Variants in QSOX2 observed in about 807,000 individuals in gnomAD.
The protein encoded by QSOX2 is sulfhydryl oxidase 2.
QSOX2 carries 46 observed loss-of-function variants against 61.7 expected under a neutral mutation model. The observed-to-expected ratio is 0.75, with a 90% CI of 0.59 to 0.95. The LOEUF is 0.95. Among genes scored for constraint, QSOX2 ranks in the 40% least tolerant of loss-of-function variants. QSOX2 has a pLI of 0.00. For missense variants in QSOX2, 879 were observed against 918.9 expected, an observed-to-expected ratio of 0.96 and a Z score of 0.56; for synonymous variants, 383 against 388.4, an observed-to-expected ratio of 0.99 and a Z score of 0.16.
intron 3 of QSOX2, among the ~76,000 whole-genome samples, chr9:136,224,554 G>C (rs1332255491): frequency 1.3e-5 from 2 of 152,262 alleles, no homozygotes; most frequent in East Asian, 3.9e-4. Context: ...CGGCTGGGTG[G>C]GATCATTTGT....
In QSOX2 at chr9:136,222,573, C is replaced by T. The variant is rs1267021676; in HGVS notation, c.676-632G>A. 6.6e-6 allele frequency among the ~76,000 whole-genome samples: 1 copy of T among 152,200 alleles called. No homozygotes were observed. The highest frequency in any genetic ancestry group is 2.4e-5 in the African/African-American group (1 of 41,450). On this transcript the variant is annotated intron_variant, in intron 5 of 11. Transcript: ENST00000358701. This position sits in a 1 kb window ranked among gnomAD's most constrained non-coding sequence, Gnocchi z 6.9. ...GGCTAAAGGTGTGAACTGGGCGCCC[C>T]GCGTGGCCGTGCCTCTCCTGAGCTG...
intron 1 of QSOX2, among the ~76,000 whole-genome samples, chr9:136,232,931 A>G (rs978283629): frequency 2.0e-5 from 3 of 150,004 alleles, no homozygotes; most frequent in South Asian, 4.2e-4. Context: ...AAAAAAAAAA[A>G]AAAAAAAGAA....
intron 6 of QSOX2, among the ~76,000 whole-genome samples, chr9:136,219,400 A>G (rs1831954755): frequency 6.6e-6 from 1 of 152,254 alleles, no homozygotes; most frequent in South Asian, 2.1e-4. Context: ...AGTTGTAATA[A>G]GTACTATGAC....
chr9:136,219,933 C>T (rs1398706429), intron 6 of QSOX2, among the ~76,000 whole-genome samples: 18 of 152,258 alleles, frequency 1.2e-4, no homozygotes, highest in Admixed American at 7.2e-4. Flanking sequence ...TGGGCCACCT[C>T]GTTGGCAGAG....
At chr9:136,217,188 G>A (rs1297190044) in intron 8 of QSOX2, among the ~76,000 whole-genome samples, 1 of 152,270 alleles carries the variant, frequency 6.6e-6, no homozygotes, top group Non-Finnish European at 1.5e-5. Flanking sequence ...CCGGCAGCCG[G>A]GGCTAACTGC....
chr9:136,217,618 T>A (rs915841295), intron 8 of QSOX2, among the ~76,000 whole-genome samples: 1 of 152,082 alleles, frequency 6.6e-6, no homozygotes, highest in East Asian at 1.9e-4. Flanking sequence ...GCCTCAGGAG[T>A]TGCCCAGAGC....
intron 1 of QSOX2, among the ~76,000 whole-genome samples, chr9:136,236,719 G>A (rs1021789381): frequency 5.9e-5 from 9 of 151,946 alleles, no homozygotes; most frequent in Middle Eastern, 6.8e-3. Flanking sequence ...GCGTCACGTG[G>A]AGCTCGTCCT....
intron 1 of QSOX2, among the ~76,000 whole-genome samples, chr9:136,244,173 G>A (rs1830452826): frequency 6.6e-6 from 1 of 152,162 alleles, no homozygotes; most frequent in Non-Finnish European, 1.5e-5. Flanking sequence ...AGAACTGAAG[G>A]GTTCCCTACG....
intron 10 of QSOX2, among the ~76,000 whole-genome samples, chr9:136,212,389 CT>C (rs1186241418): frequency 6.6e-6 from 1 of 152,264 alleles, no homozygotes; most frequent in Non-Finnish European, 1.5e-5. Flanking sequence ...ACAGCAGGCC[CT>C]GGGGGAGCTT....
Position 136,209,023 on chromosome 9 carries a change from T to G in QSOX2, c.1802A>C (p.His601Pro), listed in dbSNP as rs1288578812. 1 of 1,613,914 alleles carries G rather than the reference T, an allele frequency of 6.2e-7. No homozygotes were observed. Among genetic ancestry groups the G allele is most frequent in the East Asian group, 2.2e-5 (1 of 44,888 alleles). Residue 601 changes from histidine (H) to proline (P), a missense_variant, in exon 12 of 12, where the codon CAT becomes CCT. Coordinates refer to ENST00000358701, the MANE Select transcript of QSOX2 (RefSeq NM_181701.4). This position sits in a 1 kb window ranked among gnomAD's most constrained non-coding sequence, Gnocchi z 5.6. ...EKRLTPPEVS[H>P]GDRDTQSVRP... The stretch of plus-strand genomic sequence containing the variant: ...GACGCTCTGGGTGTCTCGGTCTCCA[T>G]GGGACACCTCTGGGGGAGTGAGTCT...
chr9:136,223,288 T>C lies in QSOX2; in HGVS notation c.675+475A>G, dbSNP rs1488523387. ...CCCTGCACCTGGTCCCTGGACCTTA[T>C]TTAGACTTGGCCAGAAGCAAGGCTT... is the stretch of plus-strand genomic sequence containing the variant. On this transcript the variant is annotated intron_variant, in intron 5 of 11. Transcript: ENST00000358701. This position sits in a 1 kb window ranked among gnomAD's most constrained non-coding sequence, Gnocchi z 4.4. 1.3e-5 allele frequency among the ~76,000 whole-genome samples: 2 copies of C among 152,176 alleles called. No homozygotes were observed. Among genetic ancestry groups the C allele is most frequent in the Non-Finnish European group, 2.9e-5 (2 of 68,036 alleles).
At chr9:136,214,894 ACT>A (rs373939682) in intron 10 of QSOX2, among the ~76,000 whole-genome samples, 4 of 151,994 alleles carry the variant, frequency 2.6e-5, no homozygotes, top group African/African-American at 9.7e-5. Context: ...CCCAGCCAGC[ACT>A]CTTTCTTCTT....
intron 1 of QSOX2, among the ~76,000 whole-genome samples, chr9:136,238,030 G>A (rs972881848): frequency 1.3e-5 from 2 of 152,136 alleles, no homozygotes; most frequent in Non-Finnish European, 2.9e-5. Flanking sequence ...AGATGAGGTC[G>A]GCGAGCTCAC....
chr9:136,222,262 C>T lies in QSOX2; in HGVS notation c.676-321G>A, dbSNP rs767945876. 2.0e-5 allele frequency among the ~76,000 whole-genome samples: 3 copies of T among 152,220 alleles called. No homozygotes were observed. The highest frequency in any genetic ancestry group is 4.4e-5 in the Non-Finnish European group (3 of 68,040). On this transcript the variant is annotated intron_variant, in intron 5 of 11. Transcript: ENST00000358701. The surrounding 1 kb of genome is among the most constrained non-coding windows in gnomAD (Gnocchi z 6.9). ...CTGATACTGGTCAAGTGAGTCCCTGCACACAGCAGCCACACCCCACGGCCT... is the reference window on the plus strand; with the variant it reads ...CTGATACTGGTCAAGTGAGTCCCTGTACACAGCAGCCACACCCCACGGCCT...
rs935851470 is a variant in QSOX2 at position 136,209,476 on chromosome 9, C to A, written c.1550-201G>T. 1.0e-6 allele frequency: 1 copy of A among 985,294 alleles called. No homozygotes were observed. Among genetic ancestry groups the A allele is most frequent in the Non-Finnish European group, 1.2e-6 (1 of 829,946 alleles). 61.0% of individuals were successfully genotyped at this position (985,294 alleles called of 1,614,324 possible). On this transcript the variant is annotated intron_variant, in intron 11 of 11. Coordinates refer to ENST00000358701, the MANE Select transcript of QSOX2 (RefSeq NM_181701.4). This position sits in a 1 kb window ranked among gnomAD's most constrained non-coding sequence, Gnocchi z 5.6. Reference sequence around the variant, plus strand: ...CAGATAACATCCTGCTTCTGCAGGCCCCTGCGCACGTGTTCCCCTCTGCCG... The same window carrying A: ...CAGATAACATCCTGCTTCTGCAGGCACCTGCGCACGTGTTCCCCTCTGCCG...
chr9:136,227,696 T>A (rs908672594), intron 1 of QSOX2, among the ~76,000 whole-genome samples: 3 of 152,124 alleles, frequency 2.0e-5, no homozygotes, highest in African/African-American at 7.2e-5. Flanking sequence ...GGCTCTCCAC[T>A]GGGCATGGTG....
intron 1 of QSOX2, among the ~76,000 whole-genome samples, chr9:136,241,791 C>T (rs1830435501): frequency 6.6e-6 from 1 of 152,240 alleles, no homozygotes; most frequent in South Asian, 2.1e-4. Flanking sequence ...CTCCTGAGGG[C>T]AGGTCTAGGA....
chr9:136,233,581 G>A (rs572212113), intron 1 of QSOX2, among the ~76,000 whole-genome samples: 4 of 152,340 alleles, frequency 2.6e-5, no homozygotes, highest in African/African-American at 7.2e-5. Flanking sequence ...ACAAACTCCC[G>A]CTGGAGAAAA....
rs1256771722 is a variant in QSOX2 at position 136,215,263 on chromosome 9, T to C, written c.1251A>G (p.Gly417=). The change falls in exon 10 of 12, where the codon GGA becomes GGG. Residue 417 remains glycine, a synonymous_variant. Transcript: ENST00000358701. ...IFLTNHIKWV[G]CQGSRSELRG... is the part of the protein sequence containing the mutation. Reference sequence around the variant, plus strand: ...TCAACTCAGATCGGCTTCCTTGACATCCAACCCACTTTATGTGATTAGTAA... The same window carrying C: ...TCAACTCAGATCGGCTTCCTTGACACCCAACCCACTTTATGTGATTAGTAA... 10 of 1,613,836 alleles carry C rather than the reference T, an allele frequency of 6.2e-6. No homozygotes were observed. Among genetic ancestry groups the C allele is most frequent in the Non-Finnish European group, 8.5e-6 (10 of 1,180,016 alleles).
Sources: allele counts gnomAD v4.1 joint callset (sites outside exome capture counted in the v4.1 genomes callset), GRCh38; gene constraint gnomAD v4.1.1; non-coding constraint Gnocchi (gnomAD v3.1); transcripts MANE v1.5; gene names NCBI Gene and HGNC (gene_info 2026-07-23, HGNC 2026-07-21).